Variants in PTP4A3 observed in about 807,000 individuals in gnomAD.
PTP4A3 encodes the protein protein tyrosine phosphatase 4A3.
A neutral mutation model predicts 15.2 loss-of-function variants in PTP4A3; 9 were observed. The ratio of observed to expected loss-of-function variants is 0.59; its 90% confidence interval spans 0.36 to 1.03. The LOEUF (loss-of-function observed/expected upper bound fraction) is 1.03. PTP4A3 is among the 50% of genes least tolerant of loss of function. PTP4A3 has a pLI of 0.02. For missense variants in PTP4A3, 234 were observed against 252.1 expected (o/e 0.93, Z 0.49); for synonymous variants, 95 against 102.0 (o/e 0.93, Z 0.41).
chr8:141,424,721 C>A (rs1833486328), intron 2 of PTP4A3, among the ~76,000 whole-genome samples: 1 of 152,088 alleles, frequency 6.6e-6, no homozygotes, highest in African/African-American at 2.4e-5. Flanking sequence ...CTGGGTGGCC[C>A]AAGGGACCTA....
intron 1 of PTP4A3, among the ~76,000 whole-genome samples, chr8:141,418,426 AG>A (rs766572590): frequency 6.6e-6 from 1 of 152,228 alleles, no homozygotes; most frequent in Non-Finnish European, 1.5e-5. Flanking sequence ...GATTTGAGCC[AG>A]AGAGAACCCA....
At position 141,431,430 on chromosome 8, in the gene PTP4A3, T is replaced by G; in HGVS notation, c.*386T>G. On this transcript the variant is annotated 3_prime_UTR_variant, in exon 6 of 6. Transcript: ENST00000521578. ...CCCCCAGCCCCTCTTTTGCGACCCC[T>G]TGTCCTGACCTGTTCTCGGCACCTT... The G allele has an allele frequency of 4.0e-6, 1 of 247,552 alleles. No homozygotes were observed. Among genetic ancestry groups the G allele is most frequent in the Non-Finnish European group, 7.8e-6 (1 of 128,870 alleles). 15.3% of individuals were successfully genotyped at this position (247,552 alleles called of 1,614,324 possible). A position where few individuals can be genotyped will look rare whatever the true frequency, so the allele number is the denominator to read the frequency against.
chr8:141,412,903 G>A (rs775630458), intron 1 of PTP4A3, among the ~76,000 whole-genome samples: 5 of 152,230 alleles, frequency 3.3e-5, no homozygotes, highest in African/African-American at 4.8e-5. Context: ...GGCACCTGGG[G>A]TGGAGGCTTA....
intron 2 of PTP4A3, among the ~76,000 whole-genome samples, chr8:141,422,966 G>A (rs1291742336): frequency 1.3e-5 from 2 of 152,252 alleles, no homozygotes; most frequent in East Asian, 3.8e-4. Flanking sequence ...TCCTGGAGGA[G>A]CCTGGCCTCT....
chr8:141,429,474 T>C (rs1294824830), intron 5 of PTP4A3, among the ~76,000 whole-genome samples: 1 of 152,264 alleles, frequency 6.6e-6, no homozygotes, highest in African/African-American at 2.4e-5. Context: ...GTACATGTGG[T>C]CAAGGACCAG....
intron 1 of PTP4A3, among the ~76,000 whole-genome samples, chr8:141,393,539 C>T (rs981197594): frequency 2.6e-5 from 4 of 152,252 alleles, no homozygotes; most frequent in Non-Finnish European, 5.9e-5. Flanking sequence ...GCATGGCTGG[C>T]TGGCTGAGCG....
chr8:141,398,170 G>A (rs1353698425), intron 1 of PTP4A3, among the ~76,000 whole-genome samples: 1 of 152,210 alleles, frequency 6.6e-6, no homozygotes, highest in African/African-American at 2.4e-5. Context: ...TGCTGGATGA[G>A]GGGTGGAGTG....
chr8:141,393,008 CTG>C (rs1832335537), intron 1 of PTP4A3, among the ~76,000 whole-genome samples: 1 of 152,164 alleles, frequency 6.6e-6, no homozygotes, highest in African/African-American at 2.4e-5. Context: ...TCCACCTAGT[CTG>C]TGGACCCTGG....
chr8:141,422,074 C>T lies in PTP4A3; in HGVS notation c.-167C>T, dbSNP rs1350347128. On this transcript the variant is annotated 5_prime_UTR_variant, in exon 2 of 6. Coordinates refer to ENST00000521578, the MANE Select transcript of PTP4A3 (RefSeq NM_032611.3). The stretch of plus-strand genomic sequence containing the variant: ...CCTCCCCCACACCCAAGTATTTGCA[C>T]AATATTTGTGCGGGGTATGGGGGTG... 1.7e-5 allele frequency: 10 copies of T among 592,530 alleles called. No homozygotes were observed. Among genetic ancestry groups the T allele is most frequent in the Non-Finnish European group, 2.9e-5 (10 of 340,310 alleles). 36.7% of individuals were successfully genotyped at this position (592,530 alleles called of 1,614,324 possible). A position where few individuals can be genotyped will look rare whatever the true frequency, so the allele number is the denominator to read the frequency against.
chr8:141,402,683 C>T (rs1480523010), intron 1 of PTP4A3, among the ~76,000 whole-genome samples: 1 of 151,406 alleles, frequency 6.6e-6, no homozygotes, highest in Non-Finnish European at 1.5e-5. Context: ...TACCCCTCTT[C>T]CCCTCCCCCA....
chr8:141,393,874 A>G (rs1413883046), intron 1 of PTP4A3, among the ~76,000 whole-genome samples: 1 of 152,224 alleles, frequency 6.6e-6, no homozygotes, highest in East Asian at 1.9e-4. Context: ...TCTTGGAGGC[A>G]CCATGGGTGG....
chr8:141,418,526 G>A (rs1162537279), intron 1 of PTP4A3, among the ~76,000 whole-genome samples: 3 of 152,182 alleles, frequency 2.0e-5, no homozygotes, highest in African/African-American at 7.2e-5. Flanking sequence ...GGACAAGGAT[G>A]GACTCTCCCT....
At position 141,431,340 on chromosome 8, in the gene PTP4A3, C is replaced by A; in HGVS notation, c.*296C>A. 2.0e-6 allele frequency: 1 copy of A among 492,876 alleles called. No homozygotes were observed. The highest frequency in any genetic ancestry group is 3.6e-6 in the Non-Finnish European group (1 of 275,236). 30.5% of individuals were successfully genotyped at this position (492,876 alleles called of 1,614,324 possible). ...CGCCCTCTGCCCGCCCCCTCCCACA[C>A]CAGCCAGGCTGGTCTCCTCTAGCCT... On this transcript the variant is annotated 3_prime_UTR_variant, in exon 6 of 6. Coordinates refer to ENST00000521578, the MANE Select transcript of PTP4A3 (RefSeq NM_032611.3).
rs1832623395 is a variant in PTP4A3, at chr8:141,402,697, C to A, written c.-854+10613C>A. Reference sequence around the variant, plus strand: ...CTACCCCTCTTCCCCTCCCCCATACCTCCTGCTCCCCTTTTTCCTCACTTT... The same window carrying A: ...CTACCCCTCTTCCCCTCCCCCATACATCCTGCTCCCCTTTTTCCTCACTTT... On this transcript the variant is annotated intron_variant, in intron 1 of 5. Coordinates refer to ENST00000521578, the MANE Select transcript of PTP4A3 (RefSeq NM_032611.3). Among the ~76,000 whole-genome samples the A allele has an allele frequency of 2.0e-5, 3 of 151,628 alleles. No individual in the cohort carries two copies. In the South Asian group the frequency reaches 6.3e-4, roughly 32 times the overall value.
At chr8:141,405,024 C>G (rs1490441668) in intron 1 of PTP4A3, among the ~76,000 whole-genome samples, 1 of 152,218 alleles carries the variant, frequency 6.6e-6, no homozygotes, top group Non-Finnish European at 1.5e-5. Context: ...TGCTTTGGGC[C>G]TGACCCTGTG....
At chr8:141,401,577 G>A (rs1301918999) in intron 1 of PTP4A3, among the ~76,000 whole-genome samples, 1 of 152,110 alleles carries the variant, frequency 6.6e-6, no homozygotes, top group Non-Finnish European at 1.5e-5. Flanking sequence ...TCCCTGGGCC[G>A]GGCTGTTCCC....
At chr8:141,394,646 C>T (rs1242904212) in intron 1 of PTP4A3, among the ~76,000 whole-genome samples, 1 of 152,214 alleles carries the variant, frequency 6.6e-6, no homozygotes, top group Non-Finnish European at 1.5e-5. Context: ...ACAGGTCTTC[C>T]TGGCAGGACA....
intron 1 of PTP4A3, among the ~76,000 whole-genome samples, chr8:141,403,626 A>C (rs760894483): frequency 6.6e-6 from 1 of 152,236 alleles, no homozygotes; most frequent in Non-Finnish European, 1.5e-5. Flanking sequence ...CCAGGCTTCC[A>C]ATGAAGACCC....
intron 1 of PTP4A3, among the ~76,000 whole-genome samples, chr8:141,419,313 A>G (rs1490035663): frequency 2.0e-5 from 3 of 152,180 alleles, no homozygotes; most frequent in African/African-American, 4.8e-5. Context: ...GGAGAGGCCC[A>G]ATACTGTGGT....
Sources: allele counts gnomAD v4.1 joint callset (sites outside exome capture counted in the v4.1 genomes callset), GRCh38; gene constraint gnomAD v4.1.1; transcripts MANE v1.5; gene names NCBI Gene and HGNC (gene_info 2026-07-23, HGNC 2026-07-21).